ERFE: variants seen among roughly 807,000 people sequenced by gnomAD.
The protein encoded by ERFE is complement C1q tumor necrosis factor-related protein 15.
A neutral mutation model predicts 26.6 loss-of-function variants in ERFE; 25 were observed. The ratio of observed to expected loss-of-function variants is 0.94; its 90% CI spans 0.69 to 1.31. The LOEUF is 1.31. Ranked by LOEUF, ERFE falls within the 40% of genes most tolerant of loss-of-function variation. The probability of loss-of-function intolerance (pLI) is 0.00; values close to 1 mark genes in which losing one functional copy is unlikely to be tolerated. For missense variants in ERFE, 447 were observed against 440.2 expected (o/e 1.02, Z -0.14); for synonymous variants, 206 against 204.5 (o/e 1.01, Z -0.06).
Position 238,159,094 on chromosome 2 carries a change from C to T in ERFE, c.87C>T (p.Ser29=). The change falls in exon 1 of 8, where the codon TCC becomes TCT. Residue 29 remains serine, a synonymous_variant. Transcript: ENST00000546354. ...CCGCCGCCGCCGCGGGCCTGGGGTC[C>T]CCGGAGCCTGGGGCGCCCTCGAGGA... is the stretch of plus-strand genomic sequence containing the variant. The part of the protein sequence containing the change: ...LLAAAAAGLG[S]PEPGAPSRSR... 1 of 215,432 alleles carries T rather than the reference C, an allele frequency of 4.6e-6. No individual in the cohort carries two copies. Among genetic ancestry groups the T allele is most frequent in the Non-Finnish European group, 8.9e-6 (1 of 112,194 alleles). The allele number at this position is 215,432 out of a possible 1,614,324, so 13.3% of individuals were successfully genotyped here.
chr2:238,164,333 G>T lies in ERFE; in HGVS notation c.860G>T (p.Cys287Phe). Residue 287 changes from cysteine to phenylalanine, a missense_variant, in exon 6 of 8, where the codon TGC (cysteine) becomes TTC (phenylalanine). Cys to Phe is a radical substitution (Grantham distance 205). Transcript: ENST00000546354. ...CGGGACCACCTGCGCCTGCTCATCT[G>T]CATCCAGTCCCGGTGCCAGCGCAAC... ...RPRDHLRLLI[C>F]IQSRCQRNAS... 1.3e-6 allele frequency: 2 copies of T among 1,539,136 alleles called. No homozygotes were observed. Among genetic ancestry groups the T allele is most frequent in the Non-Finnish European group, 8.7e-7 (1 of 1,144,678 alleles).
At position 238,167,366 on chromosome 2, in the gene ERFE, AG is replaced by A; in HGVS notation, c.*313del. 1 of 621,294 alleles carries A rather than the reference AG, an allele frequency of 1.6e-6. No homozygotes were observed. Among genetic ancestry groups the A allele is most frequent in the Non-Finnish European group, 3.0e-6 (1 of 333,012 alleles). The allele number at this position is 621,294 out of a possible 1,614,324, so 38.5% of individuals were successfully genotyped here. On this transcript the variant is annotated 3_prime_UTR_variant, in exon 8 of 8. Transcript: ENST00000546354. ...AGGCCGACTCTTTCCTGGCCTGCTC[AG>A]CACCTGCCCAGATGGCCTCTGCGTC...
intron 7 of ERFE, among the ~76,000 whole-genome samples, chr2:238,166,467 G>A (rs1349942989): frequency 6.6e-6 from 1 of 152,228 alleles, no homozygotes; most frequent in African/African-American, 2.4e-5. Flanking sequence ...AGGTCTGGGT[G>A]GATCCCAGAT....
chr2:238,164,405 C>T (rs6760421), intron 6 of ERFE, 45 bp downstream of exon 6: 495,662 of 1,523,278 alleles, frequency 0.33, 83,539 homozygotes, highest in South Asian at 0.38. Context: ...TTCGCTCGGC[C>T]TCCACAAGCT....
chr2:238,163,441 CG>C (rs919264087), intron 3 of ERFE, among the ~76,000 whole-genome samples: 1 of 152,236 alleles, frequency 6.6e-6, no homozygotes, highest in Admixed American at 6.5e-5. Context: ...AAGCTGCAAT[CG>C]CTTATTTTAC....
chr2:238,162,205 T>G (rs893773916), intron 2 of ERFE, among the ~76,000 whole-genome samples: 5 of 152,220 alleles, frequency 3.3e-5, no homozygotes, highest in Admixed American at 6.5e-5. Context: ...ATCACCTGCC[T>G]GGGATCTGAA....
chr2:238,166,717 G>A (rs141058991), intron 7 of ERFE, among the ~76,000 whole-genome samples: 1 of 152,328 alleles, frequency 6.6e-6, no homozygotes, highest in East Asian at 1.9e-4. Context: ...CTTGAGCAGG[G>A]GCCCACTCCC....
chr2:238,168,581 T>A lies in ERFE; in HGVS notation c.*1527T>A. On this transcript the variant is annotated 3_prime_UTR_variant, in exon 8 of 8. Coordinates refer to ENST00000546354, the MANE Select transcript of ERFE (RefSeq NM_001291832.2). ...CGAATCAAACATCTCCATCCCCAAG[T>A]GCAGTAACACACAAAAACCAAACAC... The A allele has an allele frequency of 2.4e-6, 1 of 408,180 alleles. No individual in the cohort carries two copies. The highest frequency in any genetic ancestry group is 5.1e-6 in the Non-Finnish European group (1 of 197,026). 25.3% of individuals were successfully genotyped at this position (408,180 alleles called of 1,614,324 possible).
At chr2:238,161,816 C>G in intron 2 of ERFE, 100 bp downstream of exon 2, 2 of 1,379,976 alleles carry the variant, frequency 1.4e-6, no homozygotes, top group Non-Finnish European at 1.9e-6. Context: ...CAATAGCACA[C>G]CCCTCACGCC....
intron 1 of ERFE, 25 bp from the exon 2 acceptor site, chr2:238,161,569 C>T (rs1200895686): frequency 6.6e-7 from 1 of 1,511,008 alleles, no homozygotes; most frequent in Non-Finnish European, 8.9e-7. Context: ...AGGCCAACCG[C>T]CCTGCTGGGC....
chr2:238,164,291 G>A lies in ERFE; in HGVS notation c.818G>A (p.Arg273Lys). 6.6e-7 allele frequency: 1 copy of A among 1,515,984 alleles called. No individual in the cohort carries two copies. Among genetic ancestry groups the A allele is most frequent in the South Asian group, 1.2e-5 (1 of 82,560 alleles). 93.9% of individuals were successfully genotyped at this position (1,515,984 alleles called of 1,614,324 possible). ...GCAGCGCTCGGGGAGCCGCCGAGGA[G>A]GGGGCCGCCGCGCCCCCGGGACCAC... Reference protein sequence around the residue: ...LHVALGEPPRRGPPRPRDHLR... With the variant: ...LHVALGEPPRKGPPRPRDHLR... Residue 273 changes from arginine (R) to lysine (K), a missense_variant, in exon 6 of 8, where the codon AGG (arginine) becomes AAG (lysine). Physicochemically the swap from Arg to Lys is conservative, Grantham distance 26. Coordinates refer to ENST00000546354, the MANE Select transcript of ERFE (RefSeq NM_001291832.2).
Position 238,165,663 on chromosome 2 carries a change from G to A in ERFE, c.945G>A (p.Val315=). The change falls in exon 7 of 8, where the codon GTG becomes GTA. Residue 315 remains valine, a synonymous_variant. Transcript: ENST00000546354. Reference sequence around the variant, plus strand: ...GCAGTGAGCTCTTCACCATCTCTGTGAATGGCGTCCTGTACCTGCAGGTGA... The same window carrying A: ...GCAGTGAGCTCTTCACCATCTCTGTAAATGGCGTCCTGTACCTGCAGGTGA... ...ESSSELFTIS[V]NGVLYLQMGQ... 1 of 1,549,732 alleles carries A rather than the reference G, an allele frequency of 6.5e-7. No homozygotes were observed. The highest frequency in any genetic ancestry group is 8.7e-7 in the Non-Finnish European group (1 of 1,146,298).
chr2:238,164,874 A>C (rs6718578), intron 6 of ERFE: 72,693 of 156,700 alleles, frequency 0.46, 18,205 homozygotes, highest in Non-Finnish European at 0.57. Flanking sequence ...ACAACAACAA[A>C]AAAAAACCTT....
intron 4 of ERFE, 24 bp downstream of exon 4, chr2:238,164,023 C>A: frequency 7.3e-7 from 1 of 1,373,566 alleles, no homozygotes; most frequent in South Asian, 1.7e-5. Flanking sequence ...CGCGGGAGGG[C>A]GGGTGAGTCC....
chr2:238,159,633 G>T (rs1326242604), intron 1 of ERFE, among the ~76,000 whole-genome samples: 1 of 152,168 alleles, frequency 6.6e-6, no homozygotes, highest in Non-Finnish European at 1.5e-5. Flanking sequence ...ATCTGGGGTC[G>T]GGGGGCTGTG....
rs1354130191 is a variant in ERFE at position 238,165,672 on chromosome 2, C to A, written c.954C>A (p.Val318=). Reference sequence around the variant, plus strand: ...TCTTCACCATCTCTGTGAATGGCGTCCTGTACCTGCAGGTGAGTGCGGCAG... The same window carrying A: ...TCTTCACCATCTCTGTGAATGGCGTACTGTACCTGCAGGTGAGTGCGGCAG... ...SELFTISVNG[V]LYLQMGQWTS... The change falls in exon 7 of 8, where the codon GTC becomes GTA. Residue 318 remains valine, a synonymous_variant. Transcript: ENST00000546354. 17 of 1,549,256 alleles carry A rather than the reference C, an allele frequency of 1.1e-5. No individual in the cohort carries two copies. Among genetic ancestry groups the A allele is most frequent in the Admixed American group, 7.8e-5 (4 of 50,978 alleles).
chr2:238,160,320 A>G (rs865853646), intron 1 of ERFE, among the ~76,000 whole-genome samples: 2 of 152,136 alleles, frequency 1.3e-5, no homozygotes, highest in Non-Finnish European at 2.9e-5. Context: ...TGCCTGTTAC[A>G]GCTCTACCTG....
At position 238,159,017 on chromosome 2, in the gene ERFE, GC is replaced by G; in HGVS notation, c.13del (p.Arg5AlafsTer102). ...GGGAACCGCCGCCCGCATGGCCCCG[GC>G]CCGCCGCCCCGCCGGAGCCCGCCTG... MAP[A>X]RRPAGARLLL... On this transcript the variant is annotated frameshift_variant, in exon 1 of 8. Coordinates refer to ENST00000546354, the MANE Select transcript of ERFE (RefSeq NM_001291832.2). LOFTEE classifies it high-confidence loss of function. 1 of 256,948 alleles carries G rather than the reference GC, an allele frequency of 3.9e-6. No individual in the cohort carries two copies. Among genetic ancestry groups the G allele is most frequent in the Non-Finnish European group, 7.3e-6 (1 of 137,536 alleles). The allele number at this position is 256,948 out of a possible 1,614,324, so 15.9% of individuals were successfully genotyped here. A position where few individuals can be genotyped will look rare whatever the true frequency, so the allele number is the denominator to read the frequency against.
chr2:238,161,029 C>T (rs1040168952), intron 1 of ERFE, among the ~76,000 whole-genome samples: 17 of 152,228 alleles, frequency 1.1e-4, no homozygotes, highest in African/African-American at 3.4e-4. Flanking sequence ...AGAGGCCTCG[C>T]GTCATGACAG....
Sources: gnomAD v4.1 joint callset for allele counts (sites outside exome capture counted in the v4.1 genomes callset) on GRCh38, gnomAD v4.1.1 for gene constraint, MANE v1.5 for transcripts, NCBI Gene and HGNC (gene_info 2026-07-23, HGNC 2026-07-21) for gene names.